Variants in CTNNA3 observed in about 807,000 individuals in gnomAD.
CTNNA3 encodes catenin alpha 3, also known as catenin alpha-3.
CTNNA3 carries 76 observed loss-of-function variants against 95.7 expected under a neutral mutation model. That is an observed-to-expected ratio of 0.79 (90% confidence interval 0.66 to 0.96). The LOEUF (loss-of-function observed/expected upper bound fraction) is 0.96. CTNNA3 is among the 40% of genes least tolerant of loss of function. The pLI is 0.00. For missense variants in CTNNA3, 1,191 were observed against 1,089.8 expected, an observed-to-expected ratio of 1.09 and a Z score of -1.31; for synonymous variants, 431 against 374.4, an observed-to-expected ratio of 1.15 and a Z score of -1.74.
chr10:67,233,215 T>C (rs1865302923), intron 5 of CTNNA3, among the ~76,000 whole-genome samples: 2 of 152,168 alleles, frequency 1.3e-5, no homozygotes, highest in South Asian at 2.1e-4. Context: ...TACATTTTTT[T>C]CAGCACCACA....
intron 5 of CTNNA3, among the ~76,000 whole-genome samples, chr10:67,463,921 G>C (rs1203704306): frequency 6.6e-6 from 1 of 152,094 alleles, no homozygotes; most frequent in East Asian, 1.9e-4. Context: ...AGATACAAAA[G>C]TCCTTCCCTC....
chr10:65,961,911 A>T (rs573168994), intron 17 of CTNNA3, among the ~76,000 whole-genome samples: 1 of 152,230 alleles, frequency 6.6e-6, no homozygotes, highest in Admixed American at 6.5e-5. Flanking sequence ...CTTGATAATA[A>T]CGAGAGCCGG....
Position 67,685,613 on chromosome 10 carries a change from G to A in CTNNA3, c.-6+10387C>T, listed in dbSNP as rs569698120. ...TTGTCAGTGGCCTCAGTGCTTTCGGGCTACACCCTTGTTTACACTGACAAC... is the reference window on the plus strand; with the variant it reads ...TTGTCAGTGGCCTCAGTGCTTTCGGACTACACCCTTGTTTACACTGACAAC... On this transcript the variant is annotated intron_variant, in intron 1 of 17. Transcript: ENST00000433211. Among the ~76,000 whole-genome samples, 16 of 152,318 alleles carry A rather than the reference G, an allele frequency of 1.1e-4. No individual in the cohort carries two copies. The South Asian group carries it at 3.3e-3, about 32-fold the overall frequency.
chr10:66,673,702 A>T (rs1846745525), intron 9 of CTNNA3, among the ~76,000 whole-genome samples: 1 of 152,108 alleles, frequency 6.6e-6, no homozygotes, highest in Non-Finnish European at 1.5e-5. Context: ...CTTAAAGGCA[A>T]TGAAGATTAG....
chr10:67,692,895 T>C (rs988906197), intron 1 of CTNNA3, among the ~76,000 whole-genome samples: 2 of 152,234 alleles, frequency 1.3e-5, no homozygotes, highest in African/African-American at 2.4e-5. Context: ...GGGGCCTCCA[T>C]TGTTCAAGTT....
intron 5 of CTNNA3, among the ~76,000 whole-genome samples, chr10:67,294,877 T>G (rs1454576895): frequency 1.3e-5 from 2 of 152,226 alleles, no homozygotes; most frequent in African/African-American, 2.4e-5. Context: ...GTTCAGTAAT[T>G]GGTAGGTACA....
chr10:66,494,700 A>G (rs1194847933), intron 11 of CTNNA3, among the ~76,000 whole-genome samples: 2 of 152,208 alleles, frequency 1.3e-5, no homozygotes, highest in African/African-American at 2.4e-5. Flanking sequence ...TAATGACTCT[A>G]CAGAATGGAA....
chr10:66,098,987 C>T (rs535160513), intron 14 of CTNNA3, among the ~76,000 whole-genome samples: 1 of 152,306 alleles, frequency 6.6e-6, no homozygotes, highest in East Asian at 1.9e-4. Flanking sequence ...CTGGCATTTG[C>T]CACTGGTGAC....
intron 5 of CTNNA3, among the ~76,000 whole-genome samples, chr10:67,443,948 T>G (rs1379819446): frequency 1.3e-5 from 2 of 152,228 alleles, no homozygotes; most frequent in Admixed American, 1.3e-4. Flanking sequence ...TTTAAGTCTT[T>G]AATCCATCTT....
At chr10:67,040,234 G>A (rs1395735099) in intron 7 of CTNNA3, among the ~76,000 whole-genome samples, 1 of 152,064 alleles carries the variant, frequency 6.6e-6, no homozygotes, top group South Asian at 2.1e-4. Context: ...CTTGACATTT[G>A]CTCGGTCTAC....
chr10:66,948,441 T>G (rs1848381607), intron 7 of CTNNA3, among the ~76,000 whole-genome samples: 1 of 152,234 alleles, frequency 6.6e-6, no homozygotes, highest in Non-Finnish European at 1.5e-5. Context: ...GATGCGTTTT[T>G]AAGAGAGCAG....
intron 13 of CTNNA3, among the ~76,000 whole-genome samples, chr10:66,275,069 C>G (rs2091363092): frequency 6.6e-6 from 1 of 151,916 alleles, no homozygotes; most frequent in African/African-American, 2.4e-5. Context: ...TTTTGAGTTT[C>G]ATTGTATCAT....
intron 3 of CTNNA3, among the ~76,000 whole-genome samples, chr10:67,569,186 C>G (rs1345818750): frequency 6.6e-6 from 1 of 152,210 alleles, no homozygotes; most frequent in African/African-American, 2.4e-5. Context: ...ATAATGTTCT[C>G]TTGAAAAATC....
chr10:66,765,428 A>G (rs1302460961), intron 9 of CTNNA3, among the ~76,000 whole-genome samples: 3 of 152,138 alleles, frequency 2.0e-5, no homozygotes, highest in African/African-American at 7.2e-5. Flanking sequence ...ACCAGAGTAG[A>G]CACCAGCCAT....
chr10:66,673,990 A>C (rs1355832630), intron 9 of CTNNA3, among the ~76,000 whole-genome samples: 1 of 149,236 alleles, frequency 6.7e-6, no homozygotes, highest in Non-Finnish European at 1.5e-5. Context: ...GCCTTCTTTC[A>C]TTATCACTAT....
intron 5 of CTNNA3, among the ~76,000 whole-genome samples, chr10:67,271,376 T>C (rs1458312944): frequency 6.6e-6 from 1 of 152,122 alleles, no homozygotes; most frequent in East Asian, 1.9e-4. Flanking sequence ...TTCCCCACTT[T>C]CGCAGCACTC....
At chr10:66,900,218 C>A (rs1012493588) in intron 7 of CTNNA3, among the ~76,000 whole-genome samples, 15 of 152,130 alleles carry the variant, frequency 9.9e-5, no homozygotes, top group African/African-American at 3.4e-4. Context: ...ACTGGTGAAA[C>A]CCAGGCAAAA....
At chr10:67,679,302 G>A (rs989712809) in intron 1 of CTNNA3, among the ~76,000 whole-genome samples, 2 of 152,104 alleles carry the variant, frequency 1.3e-5, no homozygotes, top group African/African-American at 4.8e-5. Flanking sequence ...CTGCCCCCTA[G>A]TTATGACAGC....
chr10:67,004,533 C>T (rs780727118), intron 7 of CTNNA3, among the ~76,000 whole-genome samples: 4 of 152,066 alleles, frequency 2.6e-5, no homozygotes, highest in Non-Finnish European at 5.9e-5. Context: ...TTTTGAAACA[C>T]AAGATATTTG....
Sources: gnomAD v4.1 joint callset for allele counts (sites outside exome capture counted in the v4.1 genomes callset) on GRCh38, gnomAD v4.1.1 for gene constraint, MANE v1.5 for transcripts, NCBI Gene and HGNC (gene_info 2026-07-23, HGNC 2026-07-21) for gene names.